RYR2: variants seen among roughly 807,000 people sequenced by gnomAD.
RYR2 encodes the protein ryanodine receptor 2, also known as cardiac muscle ryanodine receptor-calcium release channel.
A neutral mutation model predicts 601.1 loss-of-function variants in RYR2; 227 were observed. The observed-to-expected ratio is 0.38, with a 90% CI of 0.34 to 0.42. The LOEUF (loss-of-function observed/expected upper bound fraction) is 0.42. Among genes scored for constraint, RYR2 ranks in the 10% least tolerant of loss-of-function variants. The pLI, the probability that RYR2 is intolerant of heterozygous loss-of-function variation, is 1.00. For missense variants in RYR2, 4,646 were observed against 6,156.5 expected (o/e 0.75, Z 8.21); for synonymous variants, 2,223 against 2,175.1 (o/e 1.02, Z -0.61).
intron 1 of RYR2, among the ~76,000 whole-genome samples, chr1:237,070,112 C>T (rs1037372418): frequency 6.7e-6 from 1 of 150,236 alleles, no homozygotes; most frequent in Non-Finnish European, 1.5e-5. Context: ...CTCACTGCAG[C>T]CTTGACCTCC....
intron 48 of RYR2, among the ~76,000 whole-genome samples, chr1:237,647,259 A>G (rs984381095): frequency 2.0e-5 from 3 of 152,172 alleles, no homozygotes; most frequent in Non-Finnish European, 4.4e-5. Flanking sequence ...ACCTTGGACT[A>G]GTTACTTCTC....
At chr1:237,456,773 C>T (rs780867250) in intron 16 of RYR2, 38 bp downstream of exon 16, 23 of 1,608,028 alleles carry the variant, frequency 1.4e-5, no homozygotes, top group Non-Finnish European at 2.0e-5. Context: ...ACAGAGTTAT[C>T]TATTTAAAAT....
chr1:237,446,800 A>T (rs756742525), intron 14 of RYR2, among the ~76,000 whole-genome samples: 3 of 152,068 alleles, frequency 2.0e-5, no homozygotes, highest in Non-Finnish European at 4.4e-5. Context: ...TATGCACCAC[A>T]TTTTTGTATT....
At chr1:237,711,721 G>T in intron 70 of RYR2, 24 bp from the exon 71 acceptor site, 1 of 1,354,758 alleles carries the variant, frequency 7.4e-7, no homozygotes, top group South Asian at 1.2e-5. Flanking sequence ...GGTTTTAACT[G>T]AAATTTCCTT....
Position 237,773,618 on chromosome 1 carries a change from A to G in RYR2, c.11745A>G (p.Gln3915=). The G allele has an allele frequency of 1.2e-6, 2 of 1,612,270 alleles. No individual in the cohort carries two copies. The highest frequency in any genetic ancestry group is 1.7e-6 in the Non-Finnish European group (2 of 1,178,716). Residue 3915 remains glutamine (Q), a synonymous_variant, in exon 87 of 105, where the codon CAA becomes CAG. Transcript: ENST00000366574. ...NFSKAIQVAK[Q]VFNTLTEYIQ... ...CCAAAGCTATCCAAGTGGCAAAACA[A>G]GTCTTTAACACTCTTACAGAGTATA...
chr1:237,209,059 A>T (rs1682246196), intron 1 of RYR2, among the ~76,000 whole-genome samples: 1 of 133,886 alleles, frequency 7.5e-6, no homozygotes, highest in Non-Finnish European at 1.6e-5. Flanking sequence ...TAACATATGT[A>T]TGTAACACTT....
At chr1:237,062,425 C>G (rs1396984486) in intron 1 of RYR2, among the ~76,000 whole-genome samples, 1 of 152,106 alleles carries the variant, frequency 6.6e-6, no homozygotes, top group Non-Finnish European at 1.5e-5. Context: ...AGTATTTGCA[C>G]TTAGTTTTCC....
intron 1 of RYR2, among the ~76,000 whole-genome samples, chr1:237,176,141 T>A (rs962982979): frequency 1.5e-4 from 22 of 151,492 alleles, no homozygotes; most frequent in Non-Finnish European, 2.8e-4. Flanking sequence ...GGCAGGAGGA[T>A]CACTTGAGTC....
chr1:237,111,390 C>T (rs1572672455), intron 1 of RYR2, among the ~76,000 whole-genome samples: 1 of 152,134 alleles, frequency 6.6e-6, no homozygotes, highest in African/African-American at 2.4e-5. Flanking sequence ...GAGTTCAAGA[C>T]CAGCCTGGCC....
chr1:237,310,153 C>T (rs867647568), intron 2 of RYR2, among the ~76,000 whole-genome samples: 6 of 152,178 alleles, frequency 3.9e-5, no homozygotes, highest in African/African-American at 9.7e-5. Flanking sequence ...GCTGCCAGCA[C>T]GCTGTCACCT....
intron 13 of RYR2, among the ~76,000 whole-genome samples, chr1:237,443,289 G>A (rs1053466519): frequency 6.6e-6 from 1 of 151,762 alleles, no homozygotes. Flanking sequence ...TATTATCTCA[G>A]CATATTTTCC....
chr1:237,170,042 A>G (rs1452442278), intron 1 of RYR2, among the ~76,000 whole-genome samples: 1 of 152,172 alleles, frequency 6.6e-6, no homozygotes, highest in Non-Finnish European at 1.5e-5. Context: ...TCTCCCTTGA[A>G]GTTTATTTTG....
intron 27 of RYR2, among the ~76,000 whole-genome samples, chr1:237,557,459 G>T (rs963505321): frequency 6.6e-6 from 1 of 152,170 alleles, no homozygotes; most frequent in Non-Finnish European, 1.5e-5. Context: ...GAGACACAAG[G>T]AGGATTGCAA....
chr1:237,560,220 C>T (rs1401684851), intron 27 of RYR2, among the ~76,000 whole-genome samples: 1 of 152,244 alleles, frequency 6.6e-6, no homozygotes, highest in Non-Finnish European at 1.5e-5. Flanking sequence ...ATGGATATTT[C>T]ACTCCCCAGC....
At chr1:237,351,078 G>A (rs1298020429) in intron 3 of RYR2, among the ~76,000 whole-genome samples, 1 of 152,042 alleles carries the variant, frequency 6.6e-6, no homozygotes, top group Non-Finnish European at 1.5e-5. Context: ...ACATAATTCA[G>A]TAAGAAATAA....
chr1:237,255,226 G>C (rs564674706), intron 1 of RYR2, among the ~76,000 whole-genome samples: 1 of 152,182 alleles, frequency 6.6e-6, no homozygotes, highest in African/African-American at 2.4e-5. Context: ...TTTGGTGAAT[G>C]TATCTGTCGA....
chr1:237,812,290 C>T (rs1202246207), intron 100 of RYR2, among the ~76,000 whole-genome samples: 1 of 152,042 alleles, frequency 6.6e-6, no homozygotes, highest in East Asian at 1.9e-4. Flanking sequence ...ATTTTTATAC[C>T]AGGCACTCGT....
intron 1 of RYR2, among the ~76,000 whole-genome samples, chr1:237,057,166 G>C (rs1188843657): frequency 2.0e-5 from 3 of 152,128 alleles, no homozygotes; most frequent in Admixed American, 6.5e-5. Flanking sequence ...AGCAACAGAG[G>C]CTCAGACGAA....
intron 1 of RYR2, among the ~76,000 whole-genome samples, chr1:237,144,108 G>A (rs1441660706): frequency 9.9e-5 from 15 of 151,532 alleles, no homozygotes; most frequent in Admixed American, 5.9e-4. Context: ...CAGCCTGGGT[G>A]ACAAAGTGAG....
Sources: allele counts gnomAD v4.1 joint callset (sites outside exome capture counted in the v4.1 genomes callset), GRCh38; gene constraint gnomAD v4.1.1; transcripts MANE v1.5; gene names NCBI Gene and HGNC (gene_info 2026-07-23, HGNC 2026-07-21).